The following CASTOR2 variants were observed in gnomAD, a reference collection of about 807,000 sequenced individuals.
CASTOR2 encodes cytosolic arginine sensor for mTORC1 subunit 2.
A neutral mutation model predicts 31.2 loss-of-function variants in CASTOR2; 8 were observed. The observed-to-expected ratio is 0.26, with a 90% confidence interval of 0.15 to 0.46. CASTOR2 has a LOEUF of 0.46. Among genes scored for constraint, CASTOR2 ranks in the 20% least tolerant of loss-of-function variants. CASTOR2 has a pLI of 0.99. For synonymous variants in CASTOR2, 162 were observed against 158.7 expected (o/e 1.02, Z -0.16); for missense variants, 216 against 382.1 (o/e 0.57, Z 3.62).
Position 75,024,066 on chromosome 7 carries a change from T to A in CASTOR2, c.830-374T>A, listed in dbSNP as rs1016632707. Reference sequence around the variant, plus strand: ...ACTTTGGGATGTGGAGGTGGGTGGATCATTTGAGTACAGCAGTTCGATACC... The same window carrying A: ...ACTTTGGGATGTGGAGGTGGGTGGAACATTTGAGTACAGCAGTTCGATACC... On this transcript the variant is annotated intron_variant, in intron 7 of 8. Transcript: ENST00000616305. Among the ~76,000 whole-genome samples the A allele has an allele frequency of 2.6e-5, 4 of 152,054 alleles. No homozygotes were observed. In the East Asian group the frequency reaches 7.8e-4, roughly 30 times the overall value.
intron 1 of CASTOR2, among the ~76,000 whole-genome samples, chr7:75,001,299 A>G (rs1362516189): frequency 2.0e-5 from 3 of 152,256 alleles, no homozygotes; most frequent in Non-Finnish European, 4.4e-5. Context: ...GCTGGTCTCA[A>G]ACTCCTGGGC....
At chr7:74,990,136 C>T (rs1804171000) in intron 1 of CASTOR2, among the ~76,000 whole-genome samples, 1 of 152,016 alleles carries the variant, frequency 6.6e-6, no homozygotes, top group African/African-American at 2.4e-5. Flanking sequence ...CTCCTGTCAT[C>T]CCAGCACTTT....
rs1023712665 is a variant in CASTOR2 at position 75,029,788 on chromosome 7, G to A, written c.*5089G>A. On this transcript the variant is annotated 3_prime_UTR_variant, in exon 9 of 9. Coordinates refer to ENST00000616305, the MANE Select transcript of CASTOR2 (RefSeq NM_001145064.3). The stretch of plus-strand genomic sequence containing the variant: ...TAATAGGCAGAGCCTGAGTGAGGCC[G>A]GGGGGCTTCTCCAACAGAGAAAAGA... Among the ~76,000 whole-genome samples the A allele has an allele frequency of 0.032, 4,797 of 152,242 alleles. 89 individuals are homozygous for A. Among genetic ancestry groups the A allele is most frequent in the East Asian group, 0.048 (250 of 5,180 alleles).
rs868970068 is a variant in CASTOR2 at position 74,973,291 on chromosome 7, A to C, written c.113+8193A>C. Among the ~76,000 whole-genome samples the C allele has an allele frequency of 2.9e-4, 43 of 149,528 alleles. No homozygotes were observed. In the South Asian group the frequency reaches 6.4e-3, roughly 22 times the overall value. ...GGGCTTGATGAGATAAACCACGTCA[A>C]GCACTCTCAAGGGTATCTGGTCCAC... is the stretch of plus-strand genomic sequence containing the variant. On this transcript the variant is annotated intron_variant, in intron 1 of 8. Transcript: ENST00000616305.
In CASTOR2 at chr7:75,023,611, T is replaced by G. The variant is rs2131958774; in HGVS notation, c.830-829T>G. On this transcript the variant is annotated intron_variant, in intron 7 of 8. Transcript: ENST00000616305. ...CGTGCCACCACGCCCGGCTAATTCTTGTAGTTTTAGTAGAGATGGGGTTTC... is the reference window on the plus strand; with the variant it reads ...CGTGCCACCACGCCCGGCTAATTCTGGTAGTTTTAGTAGAGATGGGGTTTC... Among the ~76,000 whole-genome samples the G allele has an allele frequency of 2.6e-5, 4 of 151,936 alleles. No individual in the cohort carries two copies. The Middle Eastern group carries it at 0.01, about 388-fold the overall frequency.
Position 75,028,507 on chromosome 7 carries a change from CA to C in CASTOR2, c.*3809del. On this transcript the variant is annotated 3_prime_UTR_variant, in exon 9 of 9. Coordinates refer to ENST00000616305, the MANE Select transcript of CASTOR2 (RefSeq NM_001145064.3). ...GTGTCTTGGCCCCTGTGTGGTTCTCCATTAAGAAAAGCTCAGATAGTCTCAA... is the reference window on the plus strand; with the variant it reads ...GTGTCTTGGCCCCTGTGTGGTTCTCCTTAAGAAAAGCTCAGATAGTCTCAA... 6.6e-6 allele frequency among the ~76,000 whole-genome samples: 1 copy of C among 152,144 alleles called. No homozygotes were observed. Among genetic ancestry groups the C allele is most frequent in the South Asian group, 2.1e-4 (1 of 4,822 alleles).
intron 1 of CASTOR2, among the ~76,000 whole-genome samples, chr7:74,970,974 C>G (rs1563052703): frequency 6.7e-6 from 1 of 149,768 alleles, no homozygotes; most frequent in South Asian, 2.1e-4. Flanking sequence ...TAACCAGGGG[C>G]TATCAACAAG....
rs1464167907 is a variant in CASTOR2, at chr7:74,999,682, A to G, written c.114-8312A>G. Among the ~76,000 whole-genome samples the G allele has an allele frequency of 4.1e-5, 5 of 123,256 alleles. No individual in the cohort carries two copies. The East Asian group carries it at 1.4e-3, about 36-fold the overall frequency. The allele number at this position is 123,256 out of a possible 152,430, so 80.9% of individuals were successfully genotyped here. A position where few individuals can be genotyped will look rare whatever the true frequency, so the allele number is the denominator to read the frequency against. ...CTCCAAGCTGGAGTGCAGTGGCGTG[A>G]TCTTGGCTCACTGCAACCCCTGCCT... On this transcript the variant is annotated intron_variant, in intron 1 of 8. Transcript: ENST00000616305.
intron 1 of CASTOR2, among the ~76,000 whole-genome samples, chr7:75,001,411 C>T (rs1430054830): frequency 6.6e-6 from 1 of 152,086 alleles, no homozygotes; most frequent in Non-Finnish European, 1.5e-5. Flanking sequence ...CACTTAGCAC[C>T]CACACTGGGT....
intron 2 of CASTOR2, among the ~76,000 whole-genome samples, chr7:75,011,037 T>G (rs1344970588): frequency 6.6e-6 from 1 of 152,034 alleles, no homozygotes; most frequent in Non-Finnish European, 1.5e-5. Flanking sequence ...GTATTTTTAG[T>G]AGAGGTGGGG....
At chr7:75,017,514 C>T (rs1804893213) in intron 2 of CASTOR2, 84 bp from the exon 3 acceptor site, 11 of 1,494,606 alleles carry the variant, frequency 7.4e-6, no homozygotes, top group Non-Finnish European at 1.0e-5. Flanking sequence ...GAGCATCACT[C>T]TCCACCTCTG....
At chr7:74,995,443 A>C (rs1348097764) in intron 1 of CASTOR2, among the ~76,000 whole-genome samples, 2 of 139,934 alleles carry the variant, frequency 1.4e-5, no homozygotes, top group Middle Eastern at 3.6e-3. Flanking sequence ...AGGCGGGAAG[A>C]TGTCTTGAGG....
intron 1 of CASTOR2, among the ~76,000 whole-genome samples, chr7:74,991,831 A>G (rs1252998566): frequency 1.3e-5 from 2 of 152,056 alleles, no homozygotes; most frequent in African/African-American, 4.8e-5. Flanking sequence ...AGCCCAAATC[A>G]TGGAGCTGGA....
intron 1 of CASTOR2, among the ~76,000 whole-genome samples, chr7:75,000,216 A>T (rs1804461068): frequency 6.6e-6 from 1 of 152,186 alleles, no homozygotes; most frequent in Admixed American, 6.6e-5. Flanking sequence ...ACAGAGCAAG[A>T]CACTGTCTCT....
At chr7:74,997,367 G>C (rs1371911792) in intron 1 of CASTOR2, among the ~76,000 whole-genome samples, 1 of 151,952 alleles carries the variant, frequency 6.6e-6, no homozygotes, top group Non-Finnish European at 1.5e-5. Context: ...GGAAGTTTGG[G>C]GAACAGGCTC....
chr7:75,001,240 G>T (rs1804487657), intron 1 of CASTOR2, among the ~76,000 whole-genome samples: 1 of 151,556 alleles, frequency 6.6e-6, no homozygotes, highest in East Asian at 2.0e-4. Context: ...CCATGCTCAG[G>T]TAATTTTTAA....
rs2131963006 is a variant in CASTOR2, at chr7:75,028,112, T to C, written c.*3413T>C. On this transcript the variant is annotated 3_prime_UTR_variant, in exon 9 of 9. Coordinates refer to ENST00000616305, the MANE Select transcript of CASTOR2 (RefSeq NM_001145064.3). ...GGGAGGAAGAGGGCTCTCTATGATG[T>C]GGAATTTTTTTTTTTTTTTTTTTGA... 2 of 1,443,156 alleles carry C rather than the reference T, an allele frequency of 1.4e-6. No individual in the cohort carries two copies. The highest frequency in any genetic ancestry group is 5.0e-5 in the East Asian group (2 of 40,036). 89.4% of individuals were successfully genotyped at this position (1,443,156 alleles called of 1,614,324 possible). A position where few individuals can be genotyped will look rare whatever the true frequency, so the allele number is the denominator to read the frequency against.
At chr7:74,996,715 CTTTTTTTTT>C (rs1179122101) in intron 1 of CASTOR2, among the ~76,000 whole-genome samples, 1 of 40,766 alleles carries the variant, frequency 2.5e-5, no homozygotes, top group African/African-American at 9.9e-5. Context: ...ATGCCTGGTG[CTTTTTTTTT>C]TTTTTTTTTT....
Position 75,024,714 on chromosome 7 carries a change from C to T in CASTOR2, c.*15C>T, listed in dbSNP as rs993821010. The stretch of plus-strand genomic sequence containing the variant: ...AGAAGCACTAGAAGGGTCTCTTCTG[C>T]TCCTCCCTGCCGCCGCCCGGGCCCA... On this transcript the variant is annotated 3_prime_UTR_variant, in exon 9 of 9. Coordinates refer to ENST00000616305, the MANE Select transcript of CASTOR2 (RefSeq NM_001145064.3). 1.5e-4 allele frequency: 237 copies of T among 1,551,480 alleles called. No individual in the cohort carries two copies. The highest frequency in any genetic ancestry group is 5.0e-4 in the Middle Eastern group (3 of 6,008).
Sources: allele counts gnomAD v4.1 joint callset (sites outside exome capture counted in the v4.1 genomes callset), GRCh38; gene constraint gnomAD v4.1.1; transcripts MANE v1.5; gene names NCBI Gene and HGNC (gene_info 2026-07-23, HGNC 2026-07-21).